Variants in ZNF385D observed in about 807,000 individuals in gnomAD.
ZNF385D encodes the protein zinc finger protein 659.
Under a neutral mutation model 35.8 loss-of-function variants are expected in ZNF385D, and 15 were observed. That is an observed-to-expected ratio of 0.42 (90% CI 0.28 to 0.64). The LOEUF (loss-of-function observed/expected upper bound fraction) is 0.64. Ranked by LOEUF, ZNF385D falls within the 30% of genes least tolerant of loss-of-function variation. ZNF385D has a pLI of 0.23. For missense variants in ZNF385D, 474 were observed against 494.6 expected (o/e 0.96, Z 0.39); for synonymous variants, 212 against 186.8 (o/e 1.13, Z -1.10).
At chr3:21,684,881 C>G (rs928806753) in intron 1 of ZNF385D, among the ~76,000 whole-genome samples, 3 of 152,142 alleles carry the variant, frequency 2.0e-5, no homozygotes, top group African/African-American at 7.2e-5. Flanking sequence ...GTAAGTGAAA[C>G]TGGAGTGCTT....
At chr3:22,152,444 G>A (rs1314718534) in intron 3 of ZNF385D, among the ~76,000 whole-genome samples, 1 of 152,158 alleles carries the variant, frequency 6.6e-6, no homozygotes, top group Non-Finnish European at 1.5e-5. Context: ...GAGGTCAGAA[G>A]TCTGAAATGG....
intron 3 of ZNF385D, among the ~76,000 whole-genome samples, chr3:21,521,821 A>G (rs1300499479): frequency 6.6e-6 from 1 of 152,214 alleles, no homozygotes; most frequent in Non-Finnish European, 1.5e-5. Context: ...TAAAAATACT[A>G]GAAAAAAATG....
At chr3:21,540,118 T>C (rs1022963137) in intron 3 of ZNF385D, among the ~76,000 whole-genome samples, 3 of 152,194 alleles carry the variant, frequency 2.0e-5, no homozygotes, top group South Asian at 2.1e-4. Flanking sequence ...GTATAATTCA[T>C]ATGCATTTAG....
intron 2 of ZNF385D, among the ~76,000 whole-genome samples, chr3:22,319,819 G>T (rs1205533729): frequency 6.6e-6 from 1 of 152,144 alleles, no homozygotes; most frequent in Non-Finnish European, 1.5e-5. Flanking sequence ...GCTGAAAGGG[G>T]TTGACTTTGA....
At chr3:21,846,647 G>A (rs1003948767) in intron 3 of ZNF385D, among the ~76,000 whole-genome samples, 2 of 151,992 alleles carry the variant, frequency 1.3e-5, no homozygotes, top group Non-Finnish European at 2.9e-5. Context: ...GGCGATCTAA[G>A]AGAATGGAAA....
intron 4 of ZNF385D, among the ~76,000 whole-genome samples, chr3:21,500,442 T>C (rs1706278828): frequency 6.6e-6 from 1 of 152,130 alleles, no homozygotes; most frequent in Non-Finnish European, 1.5e-5. Context: ...GATAATACAA[T>C]TTCAGTGAGT....
At chr3:21,881,832 A>G (rs1235821943) in intron 3 of ZNF385D, among the ~76,000 whole-genome samples, 4 of 152,044 alleles carry the variant, frequency 2.6e-5, no homozygotes, top group Admixed American at 1.3e-4. Context: ...ATTTGGAAAA[A>G]GTTGATTCCA....
intron 3 of ZNF385D, among the ~76,000 whole-genome samples, chr3:22,034,442 A>T (rs546067276): frequency 1.3e-5 from 2 of 152,316 alleles, no homozygotes; most frequent in African/African-American, 4.8e-5. Context: ...TCTTAGTCTT[A>T]GCGGCCCAAC....
rs142293365 is a variant in ZNF385D at position 21,888,424 on chromosome 3, T to C, written c.326-223396A>G. The stretch of plus-strand genomic sequence containing the variant: ...GGAAGAAGAACCATTGGGAAGCAGA[T>C]GGAAAAGAGAAAGAGAATAGTAAAA... On this transcript the variant is annotated intron_variant, in intron 3 of 5. Transcript: ENST00000494108. 4.5e-3 allele frequency among the ~76,000 whole-genome samples: 688 copies of C among 152,042 alleles called. 6 individuals are homozygous for C. The highest frequency in any genetic ancestry group is 0.015 in the African/African-American group (621 of 41,456).
chr3:22,212,324 T>A (rs1576503603), intron 2 of ZNF385D, among the ~76,000 whole-genome samples: 2 of 152,150 alleles, frequency 1.3e-5, no homozygotes, highest in South Asian at 4.1e-4. Flanking sequence ...AGAGTCTCTG[T>A]GCCTGCACTT....
At chr3:22,170,156 G>T (rs1331735406) in intron 2 of ZNF385D, among the ~76,000 whole-genome samples, 1 of 152,082 alleles carries the variant, frequency 6.6e-6, no homozygotes, top group Non-Finnish European at 1.5e-5. Flanking sequence ...TAAAGTATTT[G>T]AAAAATATTA....
intron 3 of ZNF385D, among the ~76,000 whole-genome samples, chr3:22,011,909 A>C (rs1249283797): frequency 6.6e-6 from 1 of 152,096 alleles, no homozygotes; most frequent in Non-Finnish European, 1.5e-5. Context: ...CAAATAAAAC[A>C]TTTCAATAAA....
At chr3:21,736,949 T>C (rs1398351387) in intron 1 of ZNF385D, among the ~76,000 whole-genome samples, 1 of 152,232 alleles carries the variant, frequency 6.6e-6, no homozygotes, top group Non-Finnish European at 1.5e-5. Context: ...TTTCTTTTTT[T>C]CTTTTTTTGA....
intron 2 of ZNF385D, among the ~76,000 whole-genome samples, chr3:22,349,124 G>A (rs147452264): frequency 2.6e-3 from 394 of 152,142 alleles, no homozygotes; most frequent in African/African-American, 9.2e-3. Flanking sequence ...CCTCTCTCAA[G>A]GGTAAAAATC....
chr3:22,280,919 T>C (rs1701705695), intron 2 of ZNF385D, among the ~76,000 whole-genome samples: 1 of 152,130 alleles, frequency 6.6e-6, no homozygotes, highest in Admixed American at 6.6e-5. Context: ...AGCAGTGTTT[T>C]GTGGTTTTCC....
At chr3:22,337,261 G>A (rs757955557) in intron 2 of ZNF385D, among the ~76,000 whole-genome samples, 1 of 152,030 alleles carries the variant, frequency 6.6e-6, no homozygotes, top group Non-Finnish European at 1.5e-5. Context: ...GCCGGATGTG[G>A]CATCTCACGT....
chr3:21,828,639 G>T (rs1359003306), intron 3 of ZNF385D, among the ~76,000 whole-genome samples: 3 of 152,178 alleles, frequency 2.0e-5, no homozygotes, highest in Non-Finnish European at 4.4e-5. Context: ...GCAGAGAACA[G>T]AAATAAACCA....
chr3:22,161,539 A>C (rs1705949065), intron 3 of ZNF385D, among the ~76,000 whole-genome samples: 1 of 152,082 alleles, frequency 6.6e-6, no homozygotes, highest in African/African-American at 2.4e-5. Flanking sequence ...GTGAATCATG[A>C]GATCTCTGGA....
chr3:22,286,797 A>G (rs1204465567), intron 2 of ZNF385D, among the ~76,000 whole-genome samples: 1 of 152,122 alleles, frequency 6.6e-6, no homozygotes, highest in East Asian at 1.9e-4. Context: ...GGCTTAACAT[A>G]TGATCTTTTC....
Sources: gnomAD v4.1 joint callset for allele counts (sites outside exome capture counted in the v4.1 genomes callset) on GRCh38, gnomAD v4.1.1 for gene constraint, MANE v1.5 for transcripts, NCBI Gene and HGNC (gene_info 2026-07-23, HGNC 2026-07-21) for gene names.